MYO3B: variants seen among roughly 807,000 people sequenced by gnomAD.
The protein encoded by MYO3B is myosin IIIB.
In MYO3B, 156 loss-of-function variants were observed where a neutral mutation model predicts 174.6. The observed-to-expected ratio is 0.89, with a 90% CI of 0.78 to 1.02. MYO3B has a LOEUF of 1.02. Ranked by LOEUF, MYO3B falls within the 50% of genes least tolerant of loss-of-function variation. The pLI, the probability that MYO3B is intolerant of heterozygous loss-of-function variation, is 0.00. For missense variants in MYO3B, 1,632 were observed against 1,639.4 expected (o/e 1.00, Z 0.08); for synonymous variants, 563 against 569.1 (o/e 0.99, Z 0.15).
At chr2:170,574,150 C>A (rs893598664) in intron 32 of MYO3B, among the ~76,000 whole-genome samples, 7 of 152,182 alleles carry the variant, frequency 4.6e-5, no homozygotes, top group African/African-American at 1.7e-4. Context: ...TTATTGTGTT[C>A]ATTTACTAAA....
At chr2:170,481,759 CT>C (rs1293352302) in intron 25 of MYO3B, among the ~76,000 whole-genome samples, 5 of 152,084 alleles carry the variant, frequency 3.3e-5, no homozygotes, top group African/African-American at 4.8e-5. Flanking sequence ...GGCATGGTGG[CT>C]TCTCTGGGAG....
chr2:170,454,991 T>G (rs946514512), intron 23 of MYO3B, among the ~76,000 whole-genome samples: 3 of 152,166 alleles, frequency 2.0e-5, no homozygotes, highest in African/African-American at 7.2e-5. Context: ...AGCCAGTTTA[T>G]TGAGCTGGGT....
chr2:170,526,813 A>T (rs922542390), intron 30 of MYO3B, among the ~76,000 whole-genome samples: 2 of 152,226 alleles, frequency 1.3e-5, no homozygotes, highest in Admixed American at 6.5e-5. Flanking sequence ...ATGGCCGTAC[A>T]TAAATATTTA....
At chr2:170,548,106 CAAAAAAAAAA>C (rs10532249) in intron 32 of MYO3B, among the ~76,000 whole-genome samples, 1 of 51,718 alleles carries the variant, frequency 1.9e-5, no homozygotes, top group Non-Finnish European at 3.0e-5. Flanking sequence ...GACTCCGTCT[CAAAAAAAAAA>C]AAAAAAAAAA....
intron 30 of MYO3B, among the ~76,000 whole-genome samples, chr2:170,527,054 A>G (rs1575118025): frequency 6.6e-6 from 1 of 152,326 alleles, no homozygotes; most frequent in East Asian, 1.9e-4. Flanking sequence ...TTCCCTTGCC[A>G]GTCCTGTCTT....
At chr2:170,380,762 T>A (rs2094329313) in intron 9 of MYO3B, among the ~76,000 whole-genome samples, 1 of 152,210 alleles carries the variant, frequency 6.6e-6, no homozygotes, top group Non-Finnish European at 1.5e-5. Context: ...TATAAAGTTT[T>A]AAGTGTTGCA....
At chr2:170,304,139 G>A (rs1363143910) in intron 7 of MYO3B, among the ~76,000 whole-genome samples, 1 of 152,114 alleles carries the variant, frequency 6.6e-6, no homozygotes, top group African/African-American at 2.4e-5. Flanking sequence ...AATTCTGTAG[G>A]ATAGTGAAAA....
At chr2:170,619,734 A>ATACTTTTTTTT (rs1553539463) in intron 32 of MYO3B, among the ~76,000 whole-genome samples, 13 of 33,520 alleles carry the variant, frequency 3.9e-4, no homozygotes, top group Non-Finnish European at 6.6e-4. Context: ...CTGCTGCCAT[A>ATACTTTTTTTT]TTCTTTTTTT....
rs557100938 is a variant in MYO3B at position 170,650,181 on chromosome 2, C to T, written c.3734-1447C>T. 5.3e-5 allele frequency among the ~76,000 whole-genome samples: 8 copies of T among 151,430 alleles called. No individual in the cohort carries two copies. The East Asian group carries it at 7.8e-4, about 15-fold the overall frequency. On this transcript the variant is annotated intron_variant, in intron 32 of 34. Coordinates refer to ENST00000408978, the MANE Select transcript of MYO3B (RefSeq NM_138995.5). The stretch of plus-strand genomic sequence containing the variant: ...TCAAGCAGCTGGGACTACAGGCGCC[C>T]GCCACCACGCCCAGCTAATTTTTGT...
At chr2:170,631,701 A>ATCTC (rs1355857973) in intron 32 of MYO3B, among the ~76,000 whole-genome samples, 3 of 151,986 alleles carry the variant, frequency 2.0e-5, no homozygotes, top group African/African-American at 7.3e-5. Flanking sequence ...CTAACAGTGG[A>ATCTC]TCTCTCAGCA....
chr2:170,592,376 C>A (rs1693872020), intron 32 of MYO3B, among the ~76,000 whole-genome samples: 1 of 152,174 alleles, frequency 6.6e-6, no homozygotes, highest in Admixed American at 6.5e-5. Context: ...ATTCCCTACA[C>A]CCTGGGTGAA....
intron 7 of MYO3B, among the ~76,000 whole-genome samples, chr2:170,327,176 G>C (rs1040021025): frequency 2.0e-5 from 3 of 152,224 alleles, no homozygotes; most frequent in Non-Finnish European, 2.9e-5. Context: ...CACAAGGTCA[G>C]GAGATCGAGA....
intron 1 of MYO3B, among the ~76,000 whole-genome samples, chr2:170,191,086 C>T (rs2105319302): frequency 6.6e-6 from 1 of 152,032 alleles, no homozygotes; most frequent in East Asian, 1.9e-4. Flanking sequence ...GGGTCCTTCC[C>T]TTTAAGGCAG....
At chr2:170,462,778 T>A (rs1442667505) in intron 23 of MYO3B, among the ~76,000 whole-genome samples, 1 of 152,242 alleles carries the variant, frequency 6.6e-6, no homozygotes, top group African/African-American at 2.4e-5. Flanking sequence ...CATCAATCAG[T>A]TCCTTTCAGT....
chr2:170,599,417 A>G (rs1694352387), intron 32 of MYO3B, among the ~76,000 whole-genome samples: 1 of 152,230 alleles, frequency 6.6e-6, no homozygotes, highest in South Asian at 2.1e-4. Context: ...CTGTTGTCAA[A>G]TATAGCTGTT....
intron 32 of MYO3B, among the ~76,000 whole-genome samples, chr2:170,638,210 A>G (rs1697686306): frequency 6.6e-6 from 1 of 151,986 alleles, no homozygotes; most frequent in African/African-American, 2.4e-5. Flanking sequence ...AATATTTTAT[A>G]ATTTATGGAC....
intron 1 of MYO3B, among the ~76,000 whole-genome samples, chr2:170,182,066 T>C (rs187864964): frequency 9.3e-4 from 142 of 152,234 alleles, no homozygotes; most frequent in Non-Finnish European, 1.8e-3. Context: ...TAGCTCCTGA[T>C]ACAAACCTTC....
intron 16 of MYO3B, among the ~76,000 whole-genome samples, chr2:170,399,293 C>A (rs2094460632): frequency 8.1e-6 from 1 of 124,134 alleles, no homozygotes; most frequent in African/African-American, 2.9e-5. Flanking sequence ...GCCAACAGGG[C>A]AAAACTCCGT....
intron 32 of MYO3B, among the ~76,000 whole-genome samples, chr2:170,644,229 G>A (rs1040503836): frequency 6.6e-6 from 1 of 151,374 alleles, no homozygotes; most frequent in Non-Finnish European, 1.5e-5. Flanking sequence ...TTTCATGGAT[G>A]TAATAAAGAA....
Sources: allele counts gnomAD v4.1 joint callset (sites outside exome capture counted in the v4.1 genomes callset), GRCh38; gene constraint gnomAD v4.1.1; transcripts MANE v1.5; gene names NCBI Gene and HGNC (gene_info 2026-07-23, HGNC 2026-07-21).